Variants in SPAG16 observed in about 807,000 individuals in gnomAD.
SPAG16 encodes sperm-associated antigen 16 protein.
SPAG16 carries 86 observed loss-of-function variants against 80.4 expected under a neutral mutation model. The ratio of observed to expected loss-of-function variants is 1.07; its 90% CI spans 0.90 to 1.28. The LOEUF is 1.28. Among genes scored for constraint, SPAG16 ranks in the 50% most tolerant of loss-of-function variants. The pLI is 0.00. For synonymous variants in SPAG16, 294 were observed against 265.9 expected, an observed-to-expected ratio of 1.11 and a Z score of -1.03; for missense variants, 870 against 765.3, an observed-to-expected ratio of 1.14 and a Z score of -1.61.
intron 10 of SPAG16, among the ~76,000 whole-genome samples, chr2:213,591,816 G>A (rs1404552179): frequency 6.6e-6 from 1 of 152,180 alleles, no homozygotes; most frequent in Non-Finnish European, 1.5e-5. Flanking sequence ...CTGAAGACAG[G>A]CCAGGAGATC....
chr2:213,401,146 T>C (rs1026153672), intron 9 of SPAG16, among the ~76,000 whole-genome samples: 34 of 152,210 alleles, frequency 2.2e-4, no homozygotes, highest in Non-Finnish European at 1.5e-5. Flanking sequence ...GCCTTGGCCA[T>C]GTAACTTATT....
intron 7 of SPAG16, among the ~76,000 whole-genome samples, chr2:213,352,867 C>T (rs1435962827): frequency 2.6e-5 from 4 of 152,202 alleles, no homozygotes; most frequent in Non-Finnish European, 5.9e-5. Flanking sequence ...AGATAACCTG[C>T]ATATTAAAGA....
chr2:214,115,876 C>CAA (rs34111831), intron 14 of SPAG16, among the ~76,000 whole-genome samples: 218 of 65,912 alleles, frequency 3.3e-3, no homozygotes, highest in Middle Eastern at 9.3e-3. Context: ...GACTCCATCT[C>CAA]AAAAAAAAAA....
chr2:214,243,331 T>C (rs1689622362), intron 15 of SPAG16, among the ~76,000 whole-genome samples: 1 of 152,156 alleles, frequency 6.6e-6, no homozygotes, highest in African/African-American at 2.4e-5. Context: ...AACTTGATTA[T>C]AATATACAAG....
chr2:214,233,486 G>C (rs775298367), intron 15 of SPAG16, among the ~76,000 whole-genome samples: 2 of 152,006 alleles, frequency 1.3e-5, no homozygotes, highest in South Asian at 2.1e-4. Flanking sequence ...TTTCAACCAA[G>C]AGGTACAGTT....
intron 10 of SPAG16, among the ~76,000 whole-genome samples, chr2:213,584,456 A>G (rs770524053): frequency 6.6e-6 from 1 of 152,158 alleles, no homozygotes; most frequent in Non-Finnish European, 1.5e-5. Context: ...TCTAATATAT[A>G]GTAAAAATGG....
chr2:213,332,849 A>C (rs2064169039), intron 5 of SPAG16, among the ~76,000 whole-genome samples: 1 of 152,108 alleles, frequency 6.6e-6, no homozygotes, highest in African/African-American at 2.4e-5. Context: ...ACTCTCAAAA[A>C]ATTTGGTATG....
At chr2:214,253,286 G>C (rs1252482040) in intron 15 of SPAG16, among the ~76,000 whole-genome samples, 2 of 152,146 alleles carry the variant, frequency 1.3e-5, no homozygotes, top group South Asian at 4.1e-4. Flanking sequence ...TTCTTTTGCT[G>C]TGCAGAAGTT....
intron 10 of SPAG16, among the ~76,000 whole-genome samples, chr2:213,725,450 C>T (rs1203452105): frequency 1.3e-5 from 2 of 152,202 alleles, no homozygotes; most frequent in African/African-American, 4.8e-5. Context: ...CATCCATCCT[C>T]ATTTCTGTTC....
At chr2:214,014,729 A>G (rs910712538) in intron 13 of SPAG16, among the ~76,000 whole-genome samples, 4 of 152,232 alleles carry the variant, frequency 2.6e-5, no homozygotes, top group African/African-American at 9.6e-5. Context: ...ACAGAGACAA[A>G]ACAAGATCAT....
intron 10 of SPAG16, among the ~76,000 whole-genome samples, chr2:213,682,071 A>T (rs1391239128): frequency 6.6e-6 from 1 of 152,074 alleles, no homozygotes; most frequent in Non-Finnish European, 1.5e-5. Flanking sequence ...ACCAATCCTA[A>T]TGAAACACCA....
chr2:213,292,692 A>ACAAC (rs1553617132), intron 1 of SPAG16, among the ~76,000 whole-genome samples: 2 of 135,836 alleles, frequency 1.5e-5, no homozygotes, highest in Non-Finnish European at 3.2e-5. Flanking sequence ...AAACAAAAAA[A>ACAAC]AACAAAACTA....
chr2:213,677,579 A>G (rs901276246), intron 10 of SPAG16, among the ~76,000 whole-genome samples: 1 of 152,250 alleles, frequency 6.6e-6, no homozygotes, highest in East Asian at 1.9e-4. Context: ...TATCCTAAAT[A>G]TATATGCACC....
intron 5 of SPAG16, among the ~76,000 whole-genome samples, chr2:213,321,176 C>T (rs11677851): frequency 0.68 from 103,784 of 151,864 alleles, 36,247 homozygotes; most frequent in East Asian, 1. Flanking sequence ...AGTCAGGTTG[C>T]AGATATGTAT....
intron 9 of SPAG16, among the ~76,000 whole-genome samples, chr2:213,395,458 C>T (rs1015528207): frequency 3.9e-5 from 6 of 152,148 alleles, no homozygotes; most frequent in Non-Finnish European, 8.8e-5. Flanking sequence ...TTACTTCCAT[C>T]AAGTCTTCCT....
At chr2:214,200,921 A>G (rs2057991276) in intron 15 of SPAG16, among the ~76,000 whole-genome samples, 1 of 152,154 alleles carries the variant, frequency 6.6e-6, no homozygotes. Flanking sequence ...AATAATTACC[A>G]CACATGGGAA....
At chr2:213,508,467 G>T (rs1470669851) in intron 10 of SPAG16, among the ~76,000 whole-genome samples, 1 of 152,200 alleles carries the variant, frequency 6.6e-6, no homozygotes, top group Non-Finnish European at 1.5e-5. Flanking sequence ...AGCTACTGGG[G>T]AGGCTGAGGC....
At chr2:213,357,513 G>T (rs2065726763) in intron 7 of SPAG16, among the ~76,000 whole-genome samples, 1 of 152,028 alleles carries the variant, frequency 6.6e-6, no homozygotes, top group South Asian at 2.1e-4. Context: ...TTATGTAATG[G>T]CCTTCTTTGT....
At chr2:213,290,723 C>A (rs886353556) in intron 1 of SPAG16, among the ~76,000 whole-genome samples, 2 of 152,162 alleles carry the variant, frequency 1.3e-5, no homozygotes, top group African/African-American at 2.4e-5. Flanking sequence ...AGAGTAGGAT[C>A]ACCTAAGAGA....
Sources: gnomAD v4.1 joint callset for allele counts (sites outside exome capture counted in the v4.1 genomes callset) on GRCh38, gnomAD v4.1.1 for gene constraint, MANE v1.5 for transcripts, NCBI Gene and HGNC (gene_info 2026-07-23, HGNC 2026-07-21) for gene names.